Variants in INTS4 observed in about 807,000 individuals in gnomAD.
The protein encoded by INTS4 is integrator complex subunit 4.
Under a neutral mutation model 119.5 loss-of-function variants are expected in INTS4, and 70 were observed. The ratio of observed to expected loss-of-function variants is 0.59; its 90% CI spans 0.48 to 0.71. INTS4 has a LOEUF of 0.71. INTS4 is among the 30% of genes least tolerant of loss of function. The pLI, the probability that INTS4 is intolerant of heterozygous loss-of-function variation, is 0.00. For synonymous variants in INTS4, 316 were observed against 419.6 expected (o/e 0.75, Z 3.02); for missense variants, 867 against 1,173.2 (o/e 0.74, Z 3.81).
intron 9 of INTS4, among the ~76,000 whole-genome samples, chr11:77,939,600 T>C (rs1219791343): frequency 6.6e-6 from 1 of 152,216 alleles, no homozygotes; most frequent in African/African-American, 2.4e-5. Flanking sequence ...TCCAGTCCAC[T>C]TGACAGTTAT....
At chr11:77,988,618 AG>A (rs1856548190) in intron 2 of INTS4, among the ~76,000 whole-genome samples, 1 of 152,214 alleles carries the variant, frequency 6.6e-6, no homozygotes, top group Admixed American at 6.5e-5. Context: ...AGAAGGGTAA[AG>A]GAAGACCTCA....
Position 77,938,781 on chromosome 11 carries a change from C to T in INTS4, c.1035G>A (p.Ser345=), listed in dbSNP as rs28735636. The change falls in exon 10 of 23, where the codon TCG becomes TCA. Residue 345 remains serine (S), a synonymous_variant. Coordinates refer to ENST00000534064, the MANE Select transcript of INTS4 (RefSeq NM_033547.4). ...ACTTTCTGCCACTGGAAAACTCCCC[C>T]GAACTGTAAAGTTCCTTGGCACGCT... ...AHERAKELYS[S]GEFSSGRKWG... 5.6e-6 allele frequency: 9 copies of T among 1,611,894 alleles called. No homozygotes were observed. The highest frequency in any genetic ancestry group is 1.7e-5 in the Admixed American group (1 of 60,000).
intron 4 of INTS4, among the ~76,000 whole-genome samples, chr11:77,974,543 T>C (rs1047293089): frequency 1.4e-5 from 2 of 142,982 alleles, no homozygotes; most frequent in Admixed American, 6.9e-5. Flanking sequence ...ACCCAGCCTA[T>C]GATTTTTCAT....
chr11:77,990,313 C>A (rs1591155155), intron 2 of INTS4, among the ~76,000 whole-genome samples: 1 of 152,012 alleles, frequency 6.6e-6, no homozygotes, highest in East Asian at 1.9e-4. Flanking sequence ...ATCACTTAAG[C>A]CCAGGAGTTC....
At chr11:77,960,501 C>T in intron 5 of INTS4, 110 bp from the exon 6 acceptor site, 1 of 734,754 alleles carries the variant, frequency 1.4e-6, no homozygotes, top group Non-Finnish European at 2.3e-6. Flanking sequence ...AACATGGTTC[C>T]TTTTAGCCAA....
intron 2 of INTS4, among the ~76,000 whole-genome samples, chr11:77,986,808 C>T (rs369080983): frequency 1.0e-4 from 13 of 124,872 alleles, no homozygotes; most frequent in East Asian, 9.6e-4. Context: ...GGACACAGGG[C>T]GGGAAACATC....
At chr11:77,937,907 G>A (rs1392380577) in intron 10 of INTS4, among the ~76,000 whole-genome samples, 2 of 151,948 alleles carry the variant, frequency 1.3e-5, no homozygotes, top group Non-Finnish European at 2.9e-5. Flanking sequence ...GAGTGCAGTG[G>A]CACGATCTCA....
intron 15 of INTS4, among the ~76,000 whole-genome samples, chr11:77,916,781 C>T (rs771641095): frequency 2.0e-5 from 3 of 152,210 alleles, no homozygotes; most frequent in South Asian, 2.1e-4. Context: ...CGTGATGGGT[C>T]GGGGACTTTC....
chr11:77,878,857 C>T lies in INTS4; in HGVS notation c.*92G>A, dbSNP rs1029678837. The T allele has an allele frequency of 1.1e-5, 10 of 892,228 alleles. No individual in the cohort carries two copies. Among genetic ancestry groups the T allele is most frequent in the Non-Finnish European group, 1.1e-5 (6 of 528,528 alleles). 55.3% of individuals were successfully genotyped at this position (892,228 alleles called of 1,614,324 possible). On this transcript the variant is annotated 3_prime_UTR_variant, in exon 23 of 23. Coordinates refer to ENST00000534064, the MANE Select transcript of INTS4 (RefSeq NM_033547.4). Reference sequence around the variant, plus strand: ...AAGGGTCACATACTCCTTAAGCCTACACATCAATTCCAGGTGAAGTGCTTC... The same window carrying T: ...AAGGGTCACATACTCCTTAAGCCTATACATCAATTCCAGGTGAAGTGCTTC...
intron 4 of INTS4, among the ~76,000 whole-genome samples, chr11:77,967,501 T>C (rs541772209): frequency 1.6e-4 from 24 of 152,290 alleles, no homozygotes; most frequent in African/African-American, 5.8e-4. Context: ...CTTACAGAGG[T>C]ATATCCCGTA....
downstream of INTS4, chr11:77,877,084 A>G (rs1183449477): frequency 1.4e-6 from 1 of 701,678 alleles, no homozygotes; most frequent in East Asian, 2.7e-5. Flanking sequence ...CCCTGGAGTT[A>G]ATCATTCTTC....
At chr11:77,956,088 T>C (rs1470674601) in intron 7 of INTS4, 26 bp from the exon 8 acceptor site, 2 of 1,578,374 alleles carry the variant, frequency 1.3e-6, no homozygotes, top group Non-Finnish European at 1.7e-6. Context: ...AGAAATGAAA[T>C]CACTTAGAAC....
intron 14 of INTS4, among the ~76,000 whole-genome samples, chr11:77,920,411 C>T (rs1953329843): frequency 6.6e-6 from 1 of 151,106 alleles, no homozygotes; most frequent in African/African-American, 2.4e-5. Context: ...AGTACCTGAG[C>T]CACAGCATTC....
intron 10 of INTS4, among the ~76,000 whole-genome samples, chr11:77,933,557 G>A (rs761243523): frequency 2.0e-5 from 3 of 152,138 alleles, no homozygotes; most frequent in Non-Finnish European, 4.4e-5. Flanking sequence ...GTGCAGTGGC[G>A]TGATCTCGGC....
chr11:77,934,930 T>C (rs540468390), intron 10 of INTS4, among the ~76,000 whole-genome samples: 3 of 152,366 alleles, frequency 2.0e-5, no homozygotes, highest in African/African-American at 7.2e-5. Context: ...GAAGTAGTTC[T>C]ATCCTGAGGT....
chr11:77,889,427 T>A (rs1216565396), intron 21 of INTS4, among the ~76,000 whole-genome samples: 4 of 151,378 alleles, frequency 2.6e-5, no homozygotes. Context: ...GGATAGCATT[T>A]GGAGATATAC....
chr11:77,918,415 TCAAAA>T, intron 15 of INTS4: 1 of 45,646 alleles, frequency 2.2e-5, no homozygotes. Flanking sequence ...AGACCCTGTC[TCAAAA>T]AAAAAAAAAA....
At chr11:77,941,473 T>TC (rs57421858) in intron 8 of INTS4, among the ~76,000 whole-genome samples, 1 of 151,220 alleles carries the variant, frequency 6.6e-6, no homozygotes, top group African/African-American at 2.4e-5. Flanking sequence ...TTTTTTTTTT[T>TC]CTTTCCTGAG....
At chr11:77,954,065 G>T (rs1384231276) in intron 8 of INTS4, among the ~76,000 whole-genome samples, 1 of 152,130 alleles carries the variant, frequency 6.6e-6, no homozygotes, top group Non-Finnish European at 1.5e-5. Context: ...GCCCGCCTTG[G>T]CCTCCCAAAG....
Sources: gnomAD v4.1 joint callset for allele counts (sites outside exome capture counted in the v4.1 genomes callset) on GRCh38, gnomAD v4.1.1 for gene constraint, MANE v1.5 for transcripts, NCBI Gene and HGNC (gene_info 2026-07-23, HGNC 2026-07-21) for gene names.